PNLIPRP3: variants seen among roughly 807,000 people sequenced by gnomAD.
The protein encoded by PNLIPRP3 is pancreatic lipase-related protein 3.
In PNLIPRP3, 58 loss-of-function variants were observed where a neutral mutation model predicts 52.8. The ratio of observed to expected loss-of-function variants is 1.10; its 90% confidence interval spans 0.89 to 1.37. The LOEUF is 1.37. Ranked by LOEUF, PNLIPRP3 falls within the 40% of genes most tolerant of loss-of-function variation. The pLI, the probability that PNLIPRP3 is intolerant of heterozygous loss-of-function variation, is 0.00. For synonymous variants in PNLIPRP3, 192 were observed against 185.0 expected, an observed-to-expected ratio of 1.04 and a Z score of -0.31; for missense variants, 593 against 561.6, an observed-to-expected ratio of 1.06 and a Z score of -0.57.
chr10:116,458,414 C>T (rs959118433), intron 5 of PNLIPRP3, among the ~76,000 whole-genome samples: 2 of 150,954 alleles, frequency 1.3e-5, no homozygotes, highest in Non-Finnish European at 2.9e-5. Context: ...ACAACAAATT[C>T]AATGTTCCCT....
chr10:116,449,617 A>T (rs570901547), intron 4 of PNLIPRP3, among the ~76,000 whole-genome samples: 48 of 152,318 alleles, frequency 3.2e-4, no homozygotes, highest in Admixed American at 1.6e-3. Context: ...GGAAGGGAGA[A>T]ATACACAGCA....
At chr10:116,432,735 C>T (rs1268790718) in intron 1 of PNLIPRP3, among the ~76,000 whole-genome samples, 1 of 152,046 alleles carries the variant, frequency 6.6e-6, no homozygotes, top group Non-Finnish European at 1.5e-5. Context: ...CTACTTACAC[C>T]AGAATAAATC....
chr10:116,460,307 A>G (rs1846173802), intron 5 of PNLIPRP3, among the ~76,000 whole-genome samples: 1 of 152,224 alleles, frequency 6.6e-6, no homozygotes, highest in Admixed American at 6.5e-5. Flanking sequence ...TGTCAAATAC[A>G]GAAATGATTG....
chr10:116,444,440 G>A lies in PNLIPRP3; in HGVS notation c.383G>A (p.Arg128Gln), dbSNP rs1223841315. 5 of 1,612,924 alleles carry A rather than the reference G, an allele frequency of 3.1e-6. No individual in the cohort carries two copies. The highest frequency in any genetic ancestry group is 2.2e-5 in the East Asian group (1 of 44,866). The change falls in exon 4 of 12, where the codon CGG becomes CAG. Residue 128 changes from arginine to glutamine, a missense_variant. Transcript: ENST00000369230. ...AATTTAGATTGGATCAACGGTTCAC[G>A]GGAATACATCCATGCTGTAAACAAT... ...CINLDWINGS[R>Q]EYIHAVNNLR...
At position 116,466,061 on chromosome 10, in the gene PNLIPRP3, T is replaced by A; in HGVS notation, c.820T>A (p.Phe274Ile). ...FNAYKKEMAS[F>I]FDCNHARSYQ... Reference sequence around the variant, plus strand: ...AATTGTTTTCACAGAAATGGCTTCCTTCTTTGACTGTAACCATGCCCGAAG... The same window carrying A: ...AATTGTTTTCACAGAAATGGCTTCCATCTTTGACTGTAACCATGCCCGAAG... Residue 274 changes from phenylalanine to isoleucine, a missense_variant, in exon 8 of 12, where the codon TTC becomes ATC. Physicochemically the swap from Phe to Ile is conservative, Grantham distance 21. Coordinates refer to ENST00000369230, the MANE Select transcript of PNLIPRP3 (RefSeq NM_001011709.3). 6.2e-7 allele frequency: 1 copy of A among 1,612,896 alleles called. No individual in the cohort carries two copies. Among genetic ancestry groups the A allele is most frequent in the Admixed American group, 1.7e-5 (1 of 59,978 alleles).
At chr10:116,444,700 T>C (rs1461112395) in intron 4 of PNLIPRP3, among the ~76,000 whole-genome samples, 187 bp downstream of exon 4, 3 of 152,232 alleles carry the variant, frequency 2.0e-5, no homozygotes, top group Non-Finnish European at 4.4e-5. Context: ...TGTGGTTATT[T>C]GAAGCACCAC....
chr10:116,443,655 TATATATATAACAC>T (rs1845892264), intron 3 of PNLIPRP3, among the ~76,000 whole-genome samples: 1 of 2,712 alleles, frequency 3.7e-4, no homozygotes. Flanking sequence ...CATATGTGTT[TATATATATAACAC>T]ATATATATAA....
chr10:116,475,472 C>T (rs1846449008), intron 10 of PNLIPRP3, among the ~76,000 whole-genome samples: 1 of 152,106 alleles, frequency 6.6e-6, no homozygotes. Flanking sequence ...AATTGGGCTT[C>T]TAGTGACATA....
At chr10:116,475,922 T>C (rs1846456535) in intron 10 of PNLIPRP3, among the ~76,000 whole-genome samples, 1 of 152,128 alleles carries the variant, frequency 6.6e-6, no homozygotes, top group Non-Finnish European at 1.5e-5. Context: ...GACTGTTTCA[T>C]CAGAAGGAGA....
At chr10:116,469,412 A>G (rs947209258) in intron 9 of PNLIPRP3, 95 bp downstream of exon 9, 2 of 1,260,836 alleles carry the variant, frequency 1.6e-6, no homozygotes, top group Non-Finnish European at 2.1e-6. Context: ...ATAACTGGGC[A>G]TTAGGCCAGA....
At chr10:116,452,778 A>G (rs1015984063) in intron 4 of PNLIPRP3, among the ~76,000 whole-genome samples, 1 of 152,262 alleles carries the variant, frequency 6.6e-6, no homozygotes, top group African/African-American at 2.4e-5. Flanking sequence ...GAAGCTTGGC[A>G]GCTTCCACCT....
intron 5 of PNLIPRP3, among the ~76,000 whole-genome samples, chr10:116,460,095 C>G (rs1401503556): frequency 1.3e-5 from 2 of 152,280 alleles, no homozygotes; most frequent in Middle Eastern, 6.8e-3. Flanking sequence ...GAAGCATGTC[C>G]TAGTTCCGCA....
At chr10:116,463,406 A>C (rs1169562505) in intron 7 of PNLIPRP3, among the ~76,000 whole-genome samples, 3 of 152,176 alleles carry the variant, frequency 2.0e-5, no homozygotes, top group Admixed American at 2.0e-4. Context: ...CTCCTCTGTC[A>C]GGTGGTCTGT....
chr10:116,442,784 A>G (rs1845876690), intron 2 of PNLIPRP3, among the ~76,000 whole-genome samples: 1 of 152,146 alleles, frequency 6.6e-6, no homozygotes, highest in Non-Finnish European at 1.5e-5. Flanking sequence ...AGATGGCTTG[A>G]GCCCAGGAGT....
At chr10:116,473,229 G>A (rs1846402744) in intron 10 of PNLIPRP3, among the ~76,000 whole-genome samples, 2 of 152,226 alleles carry the variant, frequency 1.3e-5, no homozygotes, top group Non-Finnish European at 2.9e-5. Flanking sequence ...ATCTTGAAAT[G>A]AAGTCAGCTA....
At chr10:116,441,194 C>A (rs1233109306) in intron 2 of PNLIPRP3, among the ~76,000 whole-genome samples, 1 of 152,094 alleles carries the variant, frequency 6.6e-6, no homozygotes. Context: ...TCTACCTATT[C>A]TACTTGATTA....
At chr10:116,475,658 T>C (rs531051074) in intron 10 of PNLIPRP3, among the ~76,000 whole-genome samples, 1 of 152,272 alleles carries the variant, frequency 6.6e-6, no homozygotes, top group Admixed American at 6.5e-5. Flanking sequence ...ATTCAGCAAA[T>C]ATGTAGGTGC....
chr10:116,440,495 A>T (rs1028066014), intron 2 of PNLIPRP3, among the ~76,000 whole-genome samples: 10 of 152,212 alleles, frequency 6.6e-5, no homozygotes, highest in African/African-American at 2.4e-4. Context: ...TTTTCTAACA[A>T]CTGTGATATA....
At chr10:116,466,411 C>T (rs1846283121) in intron 8 of PNLIPRP3, among the ~76,000 whole-genome samples, 1 of 152,036 alleles carries the variant, frequency 6.6e-6, no homozygotes, top group Admixed American at 6.5e-5. Context: ...TACAATTTTG[C>T]TTTTTTGGCC....
Sources: gnomAD v4.1 joint callset for allele counts (sites outside exome capture counted in the v4.1 genomes callset) on GRCh38, gnomAD v4.1.1 for gene constraint, MANE v1.5 for transcripts, NCBI Gene and HGNC (gene_info 2026-07-23, HGNC 2026-07-21) for gene names.